Variants in GAK observed in about 807,000 individuals in gnomAD.
GAK encodes the protein cyclin-G-associated kinase.
Under a neutral mutation model 143.9 loss-of-function variants are expected in GAK, and 79 were observed. The ratio of observed to expected loss-of-function variants is 0.55; its 90% confidence interval spans 0.46 to 0.66. The LOEUF is 0.66. Ranked by LOEUF, GAK falls within the 30% of genes least tolerant of loss-of-function variation. The probability of loss-of-function intolerance (pLI) is 0.00; values close to 1 mark genes in which losing one functional copy is unlikely to be tolerated. For missense variants in GAK, 1,693 were observed against 1,779.7 expected (o/e 0.95, Z 0.88); for synonymous variants, 881 against 765.5 (o/e 1.15, Z -2.49).
intron 21 of GAK, 75 bp downstream of exon 21, chr4:866,881 C>A: frequency 8.8e-7 from 1 of 1,133,654 alleles, no homozygotes; most frequent in Non-Finnish European, 1.2e-6. Flanking sequence ...CGAAACACGC[C>A]CATGCAGTGA....
rs376724505 is a variant in GAK at position 890,579 on chromosome 4, C to T, written c.1034G>A (p.Arg345Gln). 1.5e-4 allele frequency: 247 copies of T among 1,611,554 alleles called. No individual in the cohort carries two copies. The highest frequency in any genetic ancestry group is 3.3e-4 in the Middle Eastern group (2 of 6,028). ...GGGGCCCACGGGAGGGGGTGGCCCT[C>T]GGGACAGTGTGGCGCTCCCGTAGCC... ...NGGYGSATLS[R>Q]GPPPPVGPAG... Residue 345 changes from arginine (R) to glutamine (Q), a missense_variant, in exon 10 of 28, where the codon CGA becomes CAA. Arg to Gln is a conservative substitution (Grantham distance 43). Transcript: ENST00000314167.
intron 23 of GAK, among the ~76,000 whole-genome samples, chr4:861,606 A>T (rs1750290778): frequency 6.6e-6 from 1 of 152,208 alleles, no homozygotes; most frequent in Non-Finnish European, 1.5e-5. Context: ...AAGAAAGCTG[A>T]GATAAGCTAC....
At chr4:889,524 T>A (rs1407205987) in intron 10 of GAK, among the ~76,000 whole-genome samples, 5 of 151,974 alleles carry the variant, frequency 3.3e-5, no homozygotes, top group Admixed American at 1.3e-4. Context: ...ATGGGGGCAC[T>A]GCAGAACCCA....
intron 24 of GAK, among the ~76,000 whole-genome samples, chr4:856,708 TCACCACCACAGC>T (rs1560282220): frequency 6.6e-6 from 1 of 151,352 alleles, no homozygotes; most frequent in Non-Finnish European, 1.5e-5. Flanking sequence ...CCACATTTGC[TCACCACCACAGC>T]TGCTCACCAC....
intron 5 of GAK, among the ~76,000 whole-genome samples, chr4:904,369 T>C (rs1451299331): frequency 8.5e-6 from 1 of 118,166 alleles, no homozygotes; most frequent in Non-Finnish European, 1.7e-5. Context: ...CACAGAGGCC[T>C]TGGCAGCCGC....
intron 1 of GAK, among the ~76,000 whole-genome samples, chr4:929,913 T>G (rs534920307): frequency 6.6e-6 from 1 of 152,092 alleles, no homozygotes; most frequent in East Asian, 2.0e-4. Context: ...CAGACTTTAA[T>G]TATCCCACAG....
chr4:867,389 C>T lies in GAK; in HGVS notation c.2439G>A (p.Lys813=), dbSNP rs903607624. The T allele has an allele frequency of 6.4e-7, 1 of 1,554,920 alleles. No homozygotes were observed. Among genetic ancestry groups the T allele is most frequent in the African/African-American group, 1.4e-5 (1 of 73,356 alleles). ...AETGAENASS[K]ESESALMEDR... is the part of the protein sequence containing the mutation. Reference sequence around the variant, plus strand: ...CCTCCATCAGGGCAGACTCGCTCTCCTTGGAAGAGGCATTTTCTGCACCAG... The same window carrying T: ...CCTCCATCAGGGCAGACTCGCTCTCTTTGGAAGAGGCATTTTCTGCACCAG... Residue 813 remains lysine (K), a synonymous_variant, in exon 21 of 28, where the codon AAG becomes AAA. Transcript: ENST00000314167.
At chr4:877,331 C>A (rs1714146460) in intron 16 of GAK, 124 bp from the exon 17 acceptor site, 2 of 715,998 alleles carry the variant, frequency 2.8e-6, no homozygotes, top group Non-Finnish European at 4.8e-6. Context: ...TAAAGAATAA[C>A]CCCCATGAAG....
chr4:904,535 A>G (rs1468583046), intron 5 of GAK, 102 bp downstream of exon 5: 5 of 965,912 alleles, frequency 5.2e-6, no homozygotes, highest in Admixed American at 3.2e-5. Context: ...CAGAGGCCTC[A>G]GCAGCCGCTA....
intron 7 of GAK, among the ~76,000 whole-genome samples, chr4:896,001 C>T (rs888179870): frequency 3.9e-5 from 6 of 152,236 alleles, no homozygotes; most frequent in African/African-American, 1.4e-4. Flanking sequence ...GTGGCTCAAG[C>T]CTGTAATCGC....
Position 881,804 on chromosome 4 carries a change from C to G in GAK, c.1661+103G>C, listed in dbSNP as rs1715165319. ...CCGGGCCTGCCTTTCCCACCAGCGCCTGCAGCGGCACCGACTGGCCCTCCA... is the reference window on the plus strand; with the variant it reads ...CCGGGCCTGCCTTTCCCACCAGCGCGTGCAGCGGCACCGACTGGCCCTCCA... On this transcript the variant is annotated intron_variant, in intron 15 of 27. Coordinates refer to ENST00000314167, the MANE Select transcript of GAK (RefSeq NM_005255.4). 8.9e-6 allele frequency: 12 copies of G among 1,355,102 alleles called. No homozygotes were observed. In the East Asian group the frequency reaches 3.1e-4, roughly 35 times the overall value. 83.9% of individuals were successfully genotyped at this position (1,355,102 alleles called of 1,614,324 possible).
At chr4:899,061 C>G (rs1719359850) in intron 5 of GAK, among the ~76,000 whole-genome samples, 1 of 152,074 alleles carries the variant, frequency 6.6e-6, no homozygotes, top group Non-Finnish European at 1.5e-5. Context: ...TGACTCAGCC[C>G]CACAGTGCTC....
chr4:867,456 A>G, intron 20 of GAK, 24 bp from the exon 21 acceptor site: 2 of 1,493,400 alleles, frequency 1.3e-6, no homozygotes, highest in Non-Finnish European at 1.8e-6. Flanking sequence ...ACAAAACCAC[A>G]GGCTAGTGAG....
chr4:931,458 C>T (rs1725770446), intron 1 of GAK, among the ~76,000 whole-genome samples: 1 of 144,732 alleles, frequency 6.9e-6, no homozygotes, highest in Non-Finnish European at 1.5e-5. Context: ...CTACCTGCAA[C>T]ACGTGTGCAC....
chr4:928,012 A>G (rs551414149), intron 1 of GAK, among the ~76,000 whole-genome samples: 176 of 152,352 alleles, frequency 1.2e-3, no homozygotes, highest in Non-Finnish European at 2.1e-3. Flanking sequence ...CACAAGTCCT[A>G]TGTGGGAAGA....
At chr4:882,932 G>A in intron 13 of GAK, 113 bp from the exon 14 acceptor site, 3 of 1,378,574 alleles carry the variant, frequency 2.2e-6, no homozygotes, top group South Asian at 1.3e-5. Context: ...CTGGTGTCAT[G>A]AACAGGCGTC....
At chr4:903,200 T>A (rs371550680) in intron 5 of GAK, among the ~76,000 whole-genome samples, 1 of 150,040 alleles carries the variant, frequency 6.7e-6, no homozygotes, top group Non-Finnish European at 1.5e-5. Context: ...TCTAGAAGCA[T>A]CTGTGTGGCA....
chr4:928,027 C>T (rs1022165374), intron 1 of GAK, among the ~76,000 whole-genome samples: 1 of 152,178 alleles, frequency 6.6e-6, no homozygotes, highest in East Asian at 1.9e-4. Flanking sequence ...GGAAGAGGGT[C>T]GGCTACAAGG....
chr4:903,537 G>A (rs1720373066), intron 5 of GAK, among the ~76,000 whole-genome samples: 1 of 152,132 alleles, frequency 6.6e-6, no homozygotes, highest in Admixed American at 6.5e-5. Flanking sequence ...GCCAAGGAAG[G>A]GGCACTGGGT....
Sources: gnomAD v4.1 joint callset for allele counts (sites outside exome capture counted in the v4.1 genomes callset) on GRCh38, gnomAD v4.1.1 for gene constraint, MANE v1.5 for transcripts, NCBI Gene and HGNC (gene_info 2026-07-23, HGNC 2026-07-21) for gene names.